The following ARHGAP15 variants were observed in gnomAD, a reference collection of about 807,000 sequenced individuals.
ARHGAP15 encodes rho GTPase-activating protein 15.
Under a neutral mutation model 63.7 loss-of-function variants are expected in ARHGAP15, and 51 were observed. The observed-to-expected ratio is 0.80, with a 90% confidence interval of 0.64 to 1.01. ARHGAP15 has a LOEUF of 1.01. Among genes scored for constraint, ARHGAP15 ranks in the 50% least tolerant of loss-of-function variants. The pLI is 0.00. For synonymous variants in ARHGAP15, 191 were observed against 193.8 expected (o/e 0.99, Z 0.12); for missense variants, 560 against 564.6 (o/e 0.99, Z 0.08).
intron 10 of ARHGAP15, among the ~76,000 whole-genome samples, chr2:143,524,226 T>A (rs1291584785): frequency 6.6e-6 from 1 of 152,038 alleles, no homozygotes; most frequent in African/African-American, 2.4e-5. Context: ...TTTTTTGCTG[T>A]CGTTTGTTTG....
chr2:143,170,569 T>C (rs757535554), intron 2 of ARHGAP15, among the ~76,000 whole-genome samples: 2 of 152,086 alleles, frequency 1.3e-5, no homozygotes, highest in African/African-American at 4.8e-5. Context: ...CTGCATGCAT[T>C]TGTGGATACA....
At chr2:143,609,038 A>G (rs982851903) in intron 11 of ARHGAP15, among the ~76,000 whole-genome samples, 15 of 152,284 alleles carry the variant, frequency 9.9e-5, no homozygotes, top group African/African-American at 3.4e-4. Flanking sequence ...GTAAATCTCT[A>G]TTTATTTTAA....
chr2:143,291,530 T>C (rs1658548638), intron 6 of ARHGAP15, among the ~76,000 whole-genome samples: 1 of 152,116 alleles, frequency 6.6e-6, no homozygotes, highest in Non-Finnish European at 1.5e-5. Flanking sequence ...TAGTTTTTTC[T>C]CTAATTCTAA....
At chr2:143,331,325 A>T (rs1042904333) in intron 6 of ARHGAP15, among the ~76,000 whole-genome samples, 3 of 148,908 alleles carry the variant, frequency 2.0e-5, no homozygotes, top group East Asian at 2.0e-4. Context: ...AACTTTTTAT[A>T]AAAAAAAGCA....
At chr2:143,481,156 T>A (rs146059693) in intron 8 of ARHGAP15, among the ~76,000 whole-genome samples, 1,953 of 152,188 alleles carry the variant, frequency 0.013, 18 homozygotes, top group Non-Finnish European at 0.019. Context: ...GGTAAGATGA[T>A]GGCACTAAAG....
chr2:143,482,150 T>C (rs1692106940), intron 8 of ARHGAP15, among the ~76,000 whole-genome samples: 1 of 152,190 alleles, frequency 6.6e-6, no homozygotes, highest in Non-Finnish European at 1.5e-5. Flanking sequence ...TACCTAGGAT[T>C]AAGAGTGATT....
Position 143,673,756 on chromosome 2 carries a change from G to GTGTGTATATATATATA in ARHGAP15, c.1139-29660_1139-29659insGTATATATATATATGT, listed in dbSNP as rs1682668589. On this transcript the variant is annotated intron_variant, in intron 12 of 13. Transcript: ENST00000295095. Reference sequence around the variant, plus strand: ...TGTGTGTGTGTGTGTGTGTGTGTGTGTGTATATATATATATATATATATAT... The same window carrying GTGTGTATATATATATA: ...TGTGTGTGTGTGTGTGTGTGTGTGTGTGTGTATATATATATATGTATATATATATATATATATATAT... 4.1e-3 allele frequency among the ~76,000 whole-genome samples: 127 copies of GTGTGTATATATATATA among 30,968 alleles called. 3 individuals are homozygous for GTGTGTATATATATATA. The highest frequency in any genetic ancestry group is 8.7e-3 in the African/African-American group (123 of 14,218). 20.3% of individuals were successfully genotyped at this position (30,968 alleles called of 152,430 possible). A position where few individuals can be genotyped will look rare whatever the true frequency, so the allele number is the denominator to read the frequency against.
At chr2:143,264,306 G>A (rs2105027623) in intron 6 of ARHGAP15, among the ~76,000 whole-genome samples, 1 of 152,202 alleles carries the variant, frequency 6.6e-6, no homozygotes, top group African/African-American at 2.4e-5. Flanking sequence ...CAATAGGCCA[G>A]AAGCTACTTT....
In ARHGAP15 at chr2:143,556,454, A is replaced by G. The variant is rs1695803501; in HGVS notation, c.972A>G (p.Thr324=). ...GIYRVSGNLA[T]IQKLRFIVNQ... Reference sequence around the variant, plus strand: ...ATCGAGTTAGTGGCAATCTGGCAACAATACAGAAGTTAAGATTTATTGTCA... The same window carrying G: ...ATCGAGTTAGTGGCAATCTGGCAACGATACAGAAGTTAAGATTTATTGTCA... The change falls in exon 11 of 14, where the codon ACA becomes ACG. Residue 324 remains threonine, a synonymous_variant. Transcript: ENST00000295095. 2 of 1,612,436 alleles carry G rather than the reference A, an allele frequency of 1.2e-6. No individual in the cohort carries two copies. Among genetic ancestry groups the G allele is most frequent in the Non-Finnish European group, 1.7e-6 (2 of 1,178,970 alleles).
Position 143,508,949 on chromosome 2 carries a change from G to A in ARHGAP15, c.827-10317G>A, listed in dbSNP as rs180745925. Among the ~76,000 whole-genome samples, 446 of 152,292 alleles carry A rather than the reference G, an allele frequency of 2.9e-3. 1 individual carries two copies. The highest frequency in any genetic ancestry group is 0.01 in the African/African-American group (436 of 41,554). On this transcript the variant is annotated intron_variant, in intron 9 of 13. Transcript: ENST00000295095. Reference sequence around the variant, plus strand: ...AAACTGAAGACGGCCAGAAGCCTGAGAAACAAAGAGAAAAAGTAGAAAGGG... The same window carrying A: ...AAACTGAAGACGGCCAGAAGCCTGAAAAACAAAGAGAAAAAGTAGAAAGGG...
At chr2:143,523,053 A>C (rs1274372333) in intron 10 of ARHGAP15, among the ~76,000 whole-genome samples, 2 of 152,292 alleles carry the variant, frequency 1.3e-5, no homozygotes, top group African/African-American at 4.8e-5. Context: ...GTAATTGACT[A>C]TCCTTTGTTG....
rs115418841 is a variant in ARHGAP15 at position 143,229,591 on chromosome 2, C to T, written c.384+923C>T. ...ACAGCCTCCTGATTAGGAAGGACTC[C>T]GGGCAGGAACTAACCTGCCACAGCC... is the stretch of plus-strand genomic sequence containing the variant. On this transcript the variant is annotated intron_variant, in intron 5 of 13. Coordinates refer to ENST00000295095, the MANE Select transcript of ARHGAP15 (RefSeq NM_018460.4). Among the ~76,000 whole-genome samples, 1,323 of 152,196 alleles carry T rather than the reference C, an allele frequency of 8.7e-3. 25 individuals carry two copies. The highest frequency in any genetic ancestry group is 0.03 in the African/African-American group (1,252 of 41,526).
At chr2:143,675,061 A>T (rs756966959) in intron 12 of ARHGAP15, among the ~76,000 whole-genome samples, 1 of 152,248 alleles carries the variant, frequency 6.6e-6, no homozygotes, top group Non-Finnish European at 1.5e-5. Context: ...AAACTCTGCC[A>T]CTGCTTTATC....
chr2:143,487,688 A>G (rs1187090682), intron 9 of ARHGAP15, among the ~76,000 whole-genome samples, 193 bp downstream of exon 9: 1 of 152,212 alleles, frequency 6.6e-6, no homozygotes, highest in East Asian at 1.9e-4. Flanking sequence ...AGGAGGTATC[A>G]TGGGGCCATT....
intron 13 of ARHGAP15, among the ~76,000 whole-genome samples, chr2:143,749,905 C>A (rs745879824): frequency 3.5e-4 from 53 of 152,080 alleles, no homozygotes; most frequent in Non-Finnish European, 6.5e-4. Flanking sequence ...CACTGTGTAA[C>A]CTTTGGACAG....
At chr2:143,281,614 G>A (rs1437964966) in intron 6 of ARHGAP15, among the ~76,000 whole-genome samples, 1 of 152,112 alleles carries the variant, frequency 6.6e-6, no homozygotes, top group Non-Finnish European at 1.5e-5. Flanking sequence ...TCTCTCAGAT[G>A]TTATAATGAA....
chr2:143,431,484 A>G (rs1469821829), intron 6 of ARHGAP15, among the ~76,000 whole-genome samples: 1 of 152,068 alleles, frequency 6.6e-6, no homozygotes, highest in Non-Finnish European at 1.5e-5. Flanking sequence ...TGGTATTCAT[A>G]TCCTTAATAT....
At chr2:143,248,427 G>T (rs1694134916) in intron 5 of ARHGAP15, among the ~76,000 whole-genome samples, 1 of 152,170 alleles carries the variant, frequency 6.6e-6, no homozygotes, top group South Asian at 2.1e-4. Flanking sequence ...ATTCTTACAT[G>T]TTTTTAGCAT....
chr2:143,690,988 C>G (rs1447959113), intron 12 of ARHGAP15, among the ~76,000 whole-genome samples: 1 of 152,136 alleles, frequency 6.6e-6, no homozygotes, highest in Non-Finnish European at 1.5e-5. Flanking sequence ...ACACTTTGAA[C>G]TGATTAGCAA....
Sources: allele counts gnomAD v4.1 joint callset (sites outside exome capture counted in the v4.1 genomes callset), GRCh38; gene constraint gnomAD v4.1.1; transcripts MANE v1.5; gene names NCBI Gene and HGNC (gene_info 2026-07-23, HGNC 2026-07-21).